The following USP54 variants were observed in gnomAD, a reference collection of about 807,000 sequenced individuals.
USP54 encodes the protein ubiquitin carboxyl-terminal hydrolase 54.
A neutral mutation model predicts 170.5 loss-of-function variants in USP54; 87 were observed. That is an observed-to-expected ratio of 0.51 (90% CI 0.43 to 0.61). The LOEUF (loss-of-function observed/expected upper bound fraction) is 0.61, where lower values mean the gene tolerates loss of function less well. Ranked by LOEUF, USP54 falls within the 20% of genes least tolerant of loss-of-function variation. The probability of loss-of-function intolerance (pLI) is 0.00; values close to 1 mark genes in which losing one functional copy is unlikely to be tolerated. For synonymous variants in USP54, 655 were observed against 742.8 expected (o/e 0.88, Z 1.92); for missense variants, 1,786 against 2,047.8 (o/e 0.87, Z 2.47).
chr10:73,509,869 A>G (rs922974056), intron 20 of USP54, among the ~76,000 whole-genome samples: 1 of 151,644 alleles, frequency 6.6e-6, no homozygotes, highest in Non-Finnish European at 1.5e-5. Context: ...AATTGGTCGG[A>G]TGTGGTGGTG....
intron 20 of USP54, 39 bp downstream of exon 20, chr10:73,516,336 A>C: frequency 6.4e-7 from 1 of 1,565,086 alleles, no homozygotes. Flanking sequence ...CTTTTATATG[A>C]TCCTCCCCCC....
Position 73,500,708 on chromosome 10 carries a change from AGGAACTGTGGTTGG to A in USP54, c.4428_4441del (p.Gln1477ValfsTer15). 1 of 1,608,504 alleles carries A rather than the reference AGGAACTGTGGTTGG, an allele frequency of 6.2e-7. No individual in the cohort carries two copies. The highest frequency in any genetic ancestry group is 8.5e-7 in the Non-Finnish European group (1 of 1,177,392). ...GGTGGGCATCAGGACATCTGGGGAC[AGGAACTGTGGTTGG>A]GGAAGGTAGAGTTGGGGACCGAGGA... On this transcript the variant is annotated frameshift_variant, in exon 23 of 24. Coordinates refer to ENST00000687698, the MANE Select transcript of USP54 (RefSeq NM_001391956.1). LOFTEE classifies it high-confidence loss of function.
intron 11 of USP54, among the ~76,000 whole-genome samples, chr10:73,535,544 C>T (rs2065047728): frequency 6.6e-6 from 1 of 152,158 alleles, no homozygotes. Flanking sequence ...CAAGCCAAAA[C>T]TATTAGGTTA....
At chr10:73,582,362 A>G (rs2132142795) in intron 1 of USP54, among the ~76,000 whole-genome samples, 1 of 152,102 alleles carries the variant, frequency 6.6e-6, no homozygotes, top group Middle Eastern at 3.4e-3. Context: ...CCAGGTGTAA[A>G]GTGTGGGAAG....
chr10:73,621,599 C>CAA (rs11380656), intron 1 of USP54, among the ~76,000 whole-genome samples: 3,451 of 61,040 alleles, frequency 0.057, 112 homozygotes, highest in South Asian at 0.14. Context: ...CACTCCGTCT[C>CAA]AAAAAAAAAA....
Position 73,523,770 on chromosome 10 carries a change from G to A in USP54, c.2195-20C>T, listed in dbSNP as rs764311462. 2 of 1,595,850 alleles carry A rather than the reference G, an allele frequency of 1.3e-6. No homozygotes were observed. The highest frequency in any genetic ancestry group is 2.3e-5 in the South Asian group (2 of 87,916). ...CCTCACCTGTAATATAAGCAAGGGA[G>A]AAGTCACCACATTTCCATTACCAAG... On this transcript the variant is annotated intron_variant, in intron 16 of 23. Coordinates refer to ENST00000687698, the MANE Select transcript of USP54 (RefSeq NM_001391956.1).
rs1238237479 is a variant in USP54, at chr10:73,542,863, G to A, written c.512C>T (p.Ala171Val). The change falls in exon 7 of 24, where the codon GCC becomes GTC. Residue 171 changes from alanine (A) to valine (V), a missense_variant. Coordinates refer to ENST00000687698, the MANE Select transcript of USP54 (RefSeq NM_001391956.1). ...GATGAAAGGCAGCGGATCAGAAGTG[G>A]CACCACAGCTAGTACATACACACTG... ...FEQCVCTSCG[A>V]TSDPLPFIQM... 2 of 1,614,130 alleles carry A rather than the reference G, an allele frequency of 1.2e-6. No homozygotes were observed. Among genetic ancestry groups the A allele is most frequent in the Non-Finnish European group, 1.7e-6 (2 of 1,180,028 alleles).
At chr10:73,507,171 G>T (rs924986985) in intron 20 of USP54, 1 of 151,630 alleles carries the variant, frequency 6.6e-6, no homozygotes. Flanking sequence ...GTCTACATAG[G>T]ATTGTATAAA....
chr10:73,509,213 T>C (rs532691893), intron 20 of USP54, among the ~76,000 whole-genome samples: 1 of 151,688 alleles, frequency 6.6e-6, no homozygotes, highest in African/African-American at 2.4e-5. Context: ...AAGACATTTA[T>C]GGGACCACTG....
chr10:73,601,957 A>C (rs1392299574), intron 1 of USP54, among the ~76,000 whole-genome samples: 2 of 152,234 alleles, frequency 1.3e-5, no homozygotes, highest in Non-Finnish European at 2.9e-5. Flanking sequence ...TTGTTTCAAC[A>C]GCCCCTTGCC....
At chr10:73,534,241 C>T (rs2064729370) in intron 12 of USP54, among the ~76,000 whole-genome samples, 1 of 151,366 alleles carries the variant, frequency 6.6e-6, no homozygotes, top group Non-Finnish European at 1.5e-5. Flanking sequence ...GAGTCTCGCT[C>T]TGTTGCCCAG....
chr10:73,581,776 A>T (rs1268673878), intron 1 of USP54, among the ~76,000 whole-genome samples: 2 of 152,244 alleles, frequency 1.3e-5, no homozygotes, highest in Non-Finnish European at 2.9e-5. Flanking sequence ...AACTAAATAG[A>T]TCTAAATATA....
intron 1 of USP54, among the ~76,000 whole-genome samples, chr10:73,598,447 C>G (rs887610664): frequency 1.3e-5 from 2 of 151,954 alleles, no homozygotes; most frequent in African/African-American, 4.8e-5. Flanking sequence ...ACACAAGTAA[C>G]AAAAGAAAAA....
intron 1 of USP54, among the ~76,000 whole-genome samples, chr10:73,590,899 T>C (rs2078169744): frequency 6.6e-6 from 1 of 152,130 alleles, no homozygotes; most frequent in Non-Finnish European, 1.5e-5. Context: ...TGAAAATAGG[T>C]ATAAAGAAAT....
intron 1 of USP54, among the ~76,000 whole-genome samples, chr10:73,611,102 AC>A (rs2080104910): frequency 6.6e-6 from 1 of 152,166 alleles, no homozygotes; most frequent in Non-Finnish European, 1.5e-5. Flanking sequence ...CTACCATCAT[AC>A]CTCCTTAATA....
At chr10:73,553,820 G>A (rs932018631) in intron 4 of USP54, among the ~76,000 whole-genome samples, 1 of 152,138 alleles carries the variant, frequency 6.6e-6, no homozygotes, top group African/African-American at 2.4e-5. Context: ...CTCAGGAAAA[G>A]GCAAATCACT....
In USP54 at chr10:73,568,230, A is replaced by G. The variant is rs780613373; in HGVS notation, c.240+3191T>C. 3.6e-4 allele frequency among the ~76,000 whole-genome samples: 55 copies of G among 152,248 alleles called. 1 individual carries two copies. The highest frequency in any genetic ancestry group is 1.4e-3 in the South Asian group (7 of 4,828). On this transcript the variant is annotated intron_variant, in intron 4 of 23. Transcript: ENST00000687698. ...CCCAGCCCTATAAAAGTAGTTTTAAAGTGGGGAACAAAAGAGACATCGTAC... is the reference window on the plus strand; with the variant it reads ...CCCAGCCCTATAAAAGTAGTTTTAAGGTGGGGAACAAAAGAGACATCGTAC...
At chr10:73,609,353 T>C (rs1478643969) in intron 1 of USP54, among the ~76,000 whole-genome samples, 1 of 152,060 alleles carries the variant, frequency 6.6e-6, no homozygotes, top group Non-Finnish European at 1.5e-5. Flanking sequence ...TCAGCCCGGG[T>C]CAGAAATGAA....
At chr10:73,533,002 T>G (rs1204476787) in intron 12 of USP54, among the ~76,000 whole-genome samples, 1 of 152,198 alleles carries the variant, frequency 6.6e-6, no homozygotes, top group Non-Finnish European at 1.5e-5. Flanking sequence ...TCATCATTAT[T>G]ATTTTTAAGT....
Sources: allele counts gnomAD v4.1 joint callset (sites outside exome capture counted in the v4.1 genomes callset), GRCh38; gene constraint gnomAD v4.1.1; transcripts MANE v1.5; gene names NCBI Gene and HGNC (gene_info 2026-07-23, HGNC 2026-07-21).